ADSS1: variants seen among roughly 807,000 people sequenced by gnomAD.
ADSS1 encodes adenylosuccinate synthase 1.
ADSS1 carries 57 observed loss-of-function variants against 59.1 expected under a neutral mutation model. That is an observed-to-expected ratio of 0.97 (90% CI 0.78 to 1.20). The LOEUF (loss-of-function observed/expected upper bound fraction) is 1.20. Ranked by LOEUF, ADSS1 falls within the 50% of genes most tolerant of loss-of-function variation. ADSS1 has a pLI of 0.00. For synonymous variants in ADSS1, 247 were observed against 249.4 expected (o/e 0.99, Z 0.09); for missense variants, 603 against 610.3 (o/e 0.99, Z 0.13).
At chr14:104,741,737 C>T (rs1277269013) in intron 8 of ADSS1, 111 bp from the exon 9 acceptor site, 6 of 1,419,346 alleles carry the variant, frequency 4.2e-6, no homozygotes, top group Non-Finnish European at 5.7e-6. Flanking sequence ...ACGGAGGGGG[C>T]CCCCCACGGT....
At chr14:104,738,557 C>A (rs1196106392) in intron 3 of ADSS1, 119 bp downstream of exon 3, 7 of 1,148,148 alleles carry the variant, frequency 6.1e-6, no homozygotes, top group Non-Finnish European at 7.5e-6. Flanking sequence ...GGGTTCCCAA[C>A]ATAGCTGGCC....
intron 4 of ADSS1, 157 bp downstream of exon 4, chr14:104,739,535 T>G: frequency 1.0e-6 from 1 of 999,206 alleles, no homozygotes; most frequent in Non-Finnish European, 1.5e-6. Context: ...TCAAAGAGCT[T>G]CAAGTTGGGA....
chr14:104,729,360 C>T (rs1265714836), intron 1 of ADSS1, among the ~76,000 whole-genome samples: 2 of 152,152 alleles, frequency 1.3e-5, no homozygotes, highest in East Asian at 1.9e-4. Context: ...GGCTGGGACC[C>T]GCACGGGTGA....
chr14:104,730,243 C>T (rs1433173933), intron 1 of ADSS1: 19 of 1,460,468 alleles, frequency 1.3e-5, no homozygotes, highest in Middle Eastern at 2.5e-4. Flanking sequence ...TCTGTAACTC[C>T]AGCACTTTGG....
At chr14:104,744,566 T>A (rs748223864) in intron 10 of ADSS1, 25 of 529,134 alleles carry the variant, frequency 4.7e-5, no homozygotes, top group Non-Finnish European at 7.8e-5. Flanking sequence ...CAGTTCACAA[T>A]AGGGTTCAGG....
At position 104,746,387 on chromosome 14, in the gene ADSS1, T is replaced by G. The variant is rs761597174; in HGVS notation, c.1321+2T>G. ...TGGAGAATCACGTGGGAGTCGCAGG[T>G]GGGTGCCCTGCATCCCCAGCCACCC... On this transcript the variant is annotated splice_donor_variant, in intron 12 of 12. Transcript: ENST00000330877. LOFTEE classifies it high-confidence loss of function. 1 of 1,609,272 alleles carries G rather than the reference T, an allele frequency of 6.2e-7. No individual in the cohort carries two copies. Among genetic ancestry groups the G allele is most frequent in the Non-Finnish European group, 8.5e-7 (1 of 1,177,186 alleles).
At chr14:104,741,746 G>A (rs1595210893) in intron 8 of ADSS1, 102 bp from the exon 9 acceptor site, 2 of 1,498,620 alleles carry the variant, frequency 1.3e-6, no homozygotes, top group South Asian at 1.3e-5. Context: ...GCCCCCCACG[G>A]TTTGAACTGC....
intron 1 of ADSS1, chr14:104,730,036 T>A (rs1172354280): frequency 2.2e-5 from 35 of 1,582,290 alleles, no homozygotes; most frequent in Non-Finnish European, 3.0e-5. Context: ...AGTTACTGAG[T>A]GGCCACTCCG....
At position 104,738,149 on chromosome 14, in the gene ADSS1, A is replaced by G. The variant is rs112551231; in HGVS notation, c.296-227A>G. On this transcript the variant is annotated intron_variant, in intron 2 of 12. Transcript: ENST00000330877. The stretch of plus-strand genomic sequence containing the variant: ...GTAGCTGAGATTACAGGCATGCGCC[A>G]CCATGCCAAGATAATTTTTTGTATT... 9.5e-4 allele frequency: 369 copies of G among 386,612 alleles called. 1 individual carries two copies. Among genetic ancestry groups the G allele is most frequent in the African/African-American group, 7.4e-3 (354 of 47,742 alleles). The allele number at this position is 386,612 out of a possible 1,614,324, so 23.9% of individuals were successfully genotyped here.
chr14:104,743,965 T>C (rs1024861533), intron 10 of ADSS1, among the ~76,000 whole-genome samples: 3 of 152,134 alleles, frequency 2.0e-5, no homozygotes, highest in African/African-American at 7.2e-5. Context: ...CATAGCCTGC[T>C]GCATCTGGCG....
Position 104,747,003 on chromosome 14 carries a change from G to C in ADSS1, c.1374G>C (p.Ter458TyrextTer102), listed in dbSNP as rs1240000861. ...GAGAGTCGATGATCCAGCTGTTTTA[G>C]TCACAGACTGAGCTGATCCCAACAG... ...KSRESMIQLF[*>Y] The change falls in exon 13 of 13, where the codon TAG becomes TAC. Residue 458 changes from the stop codon to tyrosine, a stop_lost. Transcript: ENST00000330877. 6.2e-7 allele frequency: 1 copy of C among 1,613,962 alleles called. No homozygotes were observed. Among genetic ancestry groups the C allele is most frequent in the Admixed American group, 1.7e-5 (1 of 60,016 alleles).
At chr14:104,730,245 G>A in intron 1 of ADSS1, 1 of 1,458,570 alleles carries the variant, frequency 6.9e-7, no homozygotes, top group Non-Finnish European at 9.1e-7. Context: ...TGTAACTCCA[G>A]CACTTTGGGA....
At chr14:104,746,532 G>A (rs886853423) in intron 12 of ADSS1, 147 bp downstream of exon 12, 27 of 1,225,096 alleles carry the variant, frequency 2.2e-5, no homozygotes, top group Admixed American at 1.9e-4. Flanking sequence ...AGGACGACTC[G>A]GAGCTGGGGC....
At chr14:104,736,446 C>G (rs962897685) in intron 2 of ADSS1, among the ~76,000 whole-genome samples, 2 of 152,262 alleles carry the variant, frequency 1.3e-5, no homozygotes, top group Non-Finnish European at 2.9e-5. Context: ...CACAGACACC[C>G]TGAGCTTGCA....
Position 104,739,817 on chromosome 14 carries a change from G to T in ADSS1, c.476+1G>T. 1 of 1,613,816 alleles carries T rather than the reference G, an allele frequency of 6.2e-7. No individual in the cohort carries two copies. Among genetic ancestry groups the T allele is most frequent in the Non-Finnish European group, 8.5e-7 (1 of 1,179,990 alleles). On this transcript the variant is annotated splice_donor_variant, in intron 5 of 12. Coordinates refer to ENST00000330877, the MANE Select transcript of ADSS1 (RefSeq NM_152328.5). LOFTEE classifies it high-confidence loss of function. Reference sequence around the variant, plus strand: ...AGCGCCAGGCACAAGAGGGGAAGAAGTAAGTCTGCCGGGACACTCTCACCC... The same window carrying T: ...AGCGCCAGGCACAAGAGGGGAAGAATTAAGTCTGCCGGGACACTCTCACCC...
Position 104,739,390 on chromosome 14 carries a change from A to G in ADSS1, c.409+12A>G. ...CAGAGCCCACCTTGGTACGTTTCCC[A>G]CTGGAGTACAGGGAACAGCCCCTCC... On this transcript the variant is annotated intron_variant, in intron 4 of 12. Transcript: ENST00000330877. 5 of 1,599,922 alleles carry G rather than the reference A, an allele frequency of 3.1e-6. No homozygotes were observed. The highest frequency in any genetic ancestry group is 4.3e-6 in the Non-Finnish European group (5 of 1,173,652).
At position 104,741,940 on chromosome 14, in the gene ADSS1, G is replaced by A; in HGVS notation, c.886G>A (p.Gly296Ser). The A allele has an allele frequency of 1.9e-6, 3 of 1,613,482 alleles. No individual in the cohort carries two copies. The highest frequency in any genetic ancestry group is 2.5e-6 in the Non-Finnish European group (3 of 1,180,014). ...CCCGCAGAACATAGGTGACGTGTATGGCGTGGTGAAAGCCTATACCACACG... is the reference window on the plus strand; with the variant it reads ...CCCGCAGAACATAGGTGACGTGTATAGCGTGGTGAAAGCCTATACCACACG... ...IPPQNIGDVY[G>S]VVKAYTTRVG... The change falls in exon 9 of 13, where the codon GGC (glycine) becomes AGC (serine). Residue 296 changes from glycine (G) to serine (S), a missense_variant. By Grantham distance (56) the Gly-to-Ser change is moderately conservative. Transcript: ENST00000330877.
intron 9 of ADSS1, among the ~76,000 whole-genome samples, chr14:104,742,691 C>T (rs911800055): frequency 6.6e-6 from 1 of 152,254 alleles, no homozygotes; most frequent in Non-Finnish European, 1.5e-5. Flanking sequence ...GGGAGATACA[C>T]ACACCCCTGA....
intron 3 of ADSS1, among the ~76,000 whole-genome samples, 162 bp from the exon 4 acceptor site, chr14:104,739,166 C>T (rs1268580788): frequency 6.6e-6 from 1 of 152,106 alleles, no homozygotes; most frequent in East Asian, 1.9e-4. Flanking sequence ...CAACGAGGGG[C>T]GGGTCTGCCG....
Sources: gnomAD v4.1 joint callset for allele counts (sites outside exome capture counted in the v4.1 genomes callset) on GRCh38, gnomAD v4.1.1 for gene constraint, MANE v1.5 for transcripts, NCBI Gene and HGNC (gene_info 2026-07-23, HGNC 2026-07-21) for gene names.